The following BET1L variants were observed in gnomAD, a reference collection of about 807,000 sequenced individuals.
The protein encoded by BET1L is BET1-like protein.
Under a neutral mutation model 12.6 loss-of-function variants are expected in BET1L, and 13 were observed. The observed-to-expected ratio is 1.03, with a 90% CI of 0.67 to 1.64. BET1L has a LOEUF of 1.64. Among genes scored for constraint, BET1L ranks in the 40% most tolerant of loss-of-function variants. The probability of loss-of-function intolerance (pLI) is 0.00; values close to 1 mark genes in which losing one functional copy is unlikely to be tolerated. For synonymous variants in BET1L, 60 were observed against 56.9 expected (o/e 1.05, Z -0.25); for missense variants, 154 against 150.7 (o/e 1.02, Z -0.11).
At position 206,040 on chromosome 11, in the gene BET1L, TGAGCTGA is replaced by T; in HGVS notation, c.20-4_22del. The T allele has an allele frequency of 6.2e-7, 1 of 1,613,680 alleles. No individual in the cohort carries two copies. Among genetic ancestry groups the T allele is most frequent in the Non-Finnish European group, 8.5e-7 (1 of 1,179,980 alleles). ...AATCTCTTCCACAGCGCCCGGGCTCTGAGCTGAGAAAAGAGAGGGGCTGAAGGGTTGC... is the reference window on the plus strand; with the variant it reads ...AATCTCTTCCACAGCGCCCGGGCTCTGAAAAGAGAGGGGCTGAAGGGTTGC... On this transcript the variant is annotated splice_acceptor_variant and splice_polypyrimidine_tract_variant and coding_sequence_variant and intron_variant, in exon 2 of 4. Transcript: ENST00000382762. LOFTEE classifies it high-confidence loss of function.
rs772766664 is a variant in BET1L at position 205,334 on chromosome 11, G to T, written c.304C>A (p.Leu102Ile). Residue 102 changes from leucine (L) to isoleucine (I), a missense_variant, in exon 4 of 4, where the codon CTC (leucine) becomes ATC (isoleucine). Leu to Ile is a conservative substitution (Grantham distance 5, BLOSUM62 2). Coordinates refer to ENST00000382762, the MANE Select transcript of BET1L (RefSeq NM_001098787.2). ...CTTGCCCTGGACAAGAAGTAGGAGA[G>T]GATGAAGAAGGCCACAATTAGACCC... Reference protein sequence around the residue: ...AVGLIVAFFILSYFLSRART With the variant: ...AVGLIVAFFIISYFLSRART 6.2e-7 allele frequency: 1 copy of T among 1,613,854 alleles called. No homozygotes were observed. Among genetic ancestry groups the T allele is most frequent in the African/African-American group, 1.3e-5 (1 of 75,066 alleles).
chr11:205,281 C>T lies in BET1L; in HGVS notation c.*21G>A. 3 of 1,603,240 alleles carry T rather than the reference C, an allele frequency of 1.9e-6. No individual in the cohort carries two copies. The highest frequency in any genetic ancestry group is 2.6e-6 in the Non-Finnish European group (3 of 1,172,870). ...AGACCCTGGCTGCCCTTGGCACCCA[C>T]AGACACCAGCTCCCACTGGCTCACG... On this transcript the variant is annotated 3_prime_UTR_variant, in exon 4 of 4. Transcript: ENST00000382762.
chr11:203,103 A>AC lies in BET1L; in HGVS notation c.*2198dup, dbSNP rs1365629812. Reference sequence around the variant, plus strand: ...TGGTGTCAGGGATTACAGTCAGCAAACCCCACTCATTTACAGGGTCAGGTG... The same window carrying AC: ...TGGTGTCAGGGATTACAGTCAGCAAACCCCCACTCATTTACAGGGTCAGGTG... On this transcript the variant is annotated 3_prime_UTR_variant, in exon 4 of 4. Coordinates refer to ENST00000382762, the MANE Select transcript of BET1L (RefSeq NM_001098787.2). 6.6e-6 allele frequency: 1 copy of AC among 152,000 alleles called. No individual in the cohort carries two copies. The highest frequency in any genetic ancestry group is 1.5e-5 in the Non-Finnish European group (1 of 68,026). 9.4% of individuals were successfully genotyped at this position (152,000 alleles called of 1,614,324 possible). A position where few individuals can be genotyped will look rare whatever the true frequency, so the allele number is the denominator to read the frequency against.
chr11:205,628 G>A lies in BET1L; in HGVS notation c.151C>T (p.Arg51Trp), dbSNP rs760787307. ...DIDRDAEDQN[R>W]YLDGMDSDFT... The stretch of plus-strand genomic sequence containing the variant: ...GCCCTTACCATGCCATCCAGGTACC[G>A]GTTCTGATCCTCTGCATCCCTATCG... The change falls in exon 3 of 4, where the codon CGG becomes TGG. Residue 51 changes from arginine (R) to tryptophan (W), a missense_variant. Coordinates refer to ENST00000382762, the MANE Select transcript of BET1L (RefSeq NM_001098787.2). 37 of 1,613,516 alleles carry A rather than the reference G, an allele frequency of 2.3e-5. No individual in the cohort carries two copies. The highest frequency in any genetic ancestry group is 1.6e-4 in the South Asian group (15 of 91,084).
chr11:205,040 C>T lies in BET1L; in HGVS notation c.*262G>A. ...CAGACACGCTGTGGCCCCAGCTCTG[C>T]CTGGCTCTCTAGCACCTGGGGGAGG... On this transcript the variant is annotated 3_prime_UTR_variant, in exon 4 of 4. Coordinates refer to ENST00000382762, the MANE Select transcript of BET1L (RefSeq NM_001098787.2). 2 of 472,076 alleles carry T rather than the reference C, an allele frequency of 4.2e-6. No homozygotes were observed. Among genetic ancestry groups the T allele is most frequent in the Non-Finnish European group, 7.7e-6 (2 of 259,628 alleles). 29.2% of individuals were successfully genotyped at this position (472,076 alleles called of 1,614,324 possible). A position where few individuals can be genotyped will look rare whatever the true frequency, so the allele number is the denominator to read the frequency against.
chr11:205,464 C>T lies in BET1L; in HGVS notation c.174G>A (p.Ser58=), dbSNP rs1855125920. The T allele has an allele frequency of 3.7e-6, 6 of 1,614,198 alleles. No homozygotes were observed. Among genetic ancestry groups the T allele is most frequent in the African/African-American group, 1.3e-5 (1 of 75,052 alleles). ...DQNRYLDGMD[S]DFTSMTSLLT... is the part of the protein sequence containing the mutation. Reference sequence around the variant, plus strand: ...GCAGGCTGGTCATGCTTGTGAAATCCGAGTCCTAAGGGAGGAATCCCAGCA... The same window carrying T: ...GCAGGCTGGTCATGCTTGTGAAATCTGAGTCCTAAGGGAGGAATCCCAGCA... The change falls in exon 4 of 4, where the codon TCG becomes TCA. Residue 58 remains serine, a synonymous_variant. Transcript: ENST00000382762.
chr11:205,627 C>A lies in BET1L; in HGVS notation c.152G>T (p.Arg51Leu). The change falls in exon 3 of 4, where the codon CGG (arginine) becomes CTG (leucine). Residue 51 changes from arginine to leucine, a missense_variant. Coordinates refer to ENST00000382762, the MANE Select transcript of BET1L (RefSeq NM_001098787.2). The stretch of plus-strand genomic sequence containing the variant: ...GGCCCTTACCATGCCATCCAGGTAC[C>A]GGTTCTGATCCTCTGCATCCCTATC... ...DIDRDAEDQN[R>L]YLDGMDSDFT... The A allele has an allele frequency of 6.2e-7, 1 of 1,613,518 alleles. No homozygotes were observed. Among genetic ancestry groups the A allele is most frequent in the South Asian group, 1.1e-5 (1 of 91,080 alleles).
In BET1L at chr11:206,131, G is replaced by C. The variant is rs547254132; in HGVS notation, c.20-88C>G. The C allele has an allele frequency of 6.9e-6, 8 of 1,152,292 alleles. No homozygotes were observed. In the African/African-American group the frequency reaches 1.2e-4, roughly 17 times the overall value. The allele number at this position is 1,152,292 out of a possible 1,614,324, so 71.4% of individuals were successfully genotyped here. A position where few individuals can be genotyped will look rare whatever the true frequency, so the allele number is the denominator to read the frequency against. On this transcript the variant is annotated intron_variant, in intron 1 of 3. Transcript: ENST00000382762. Reference sequence around the variant, plus strand: ...ACTCCAACCACATCTGGGTGAGTCAGAAATCTAGGGGGCCCTAACCAAGGT... The same window carrying C: ...ACTCCAACCACATCTGGGTGAGTCACAAATCTAGGGGGCCCTAACCAAGGT...
rs1320362138 is a variant in BET1L, at chr11:204,442, T to C, written c.*860A>G. 1.3e-5 allele frequency: 2 copies of C among 152,226 alleles called. No homozygotes were observed. Among genetic ancestry groups the C allele is most frequent in the Non-Finnish European group, 2.9e-5 (2 of 68,048 alleles). 9.4% of individuals were successfully genotyped at this position (152,226 alleles called of 1,614,324 possible). A position where few individuals can be genotyped will look rare whatever the true frequency, so the allele number is the denominator to read the frequency against. On this transcript the variant is annotated 3_prime_UTR_variant, in exon 4 of 4. Transcript: ENST00000382762. The stretch of plus-strand genomic sequence containing the variant: ...GCTAGAAGGCAACAACTGATAGCCC[T>C]CACAGGAACCTTCTTGTGTAGACCC...
chr11:207,068 C>A lies in BET1L; in HGVS notation c.19+235G>T, dbSNP rs117120616. 3,180 of 531,718 alleles carry A rather than the reference C, an allele frequency of 6.0e-3. 167 individuals carry two copies. In the East Asian group the frequency reaches 0.1, roughly 17 times the overall value. 32.9% of individuals were successfully genotyped at this position (531,718 alleles called of 1,614,324 possible). ...GGGGAGTGGGGAGACCCCGCTGCTG[C>A]GCGACCCCTCGCTGGAGCTGCTGGG... On this transcript the variant is annotated intron_variant, in intron 1 of 3. Transcript: ENST00000382762.
At chr11:206,937 C>T (rs938063148) in intron 1 of BET1L, 1 of 320,138 alleles carries the variant, frequency 3.1e-6, no homozygotes, top group African/African-American at 2.2e-5. Flanking sequence ...CCTGCTTGGA[C>T]ACCAGCGGAG....
rs1265265720 is a variant in BET1L at position 203,641 on chromosome 11, T to C, written c.*1661A>G. The C allele has an allele frequency of 2.0e-5, 3 of 152,698 alleles. No homozygotes were observed. Among genetic ancestry groups the C allele is most frequent in the African/African-American group, 4.8e-5 (2 of 41,564 alleles). The allele number at this position is 152,698 out of a possible 1,614,324, so 9.5% of individuals were successfully genotyped here. A position where few individuals can be genotyped will look rare whatever the true frequency, so the allele number is the denominator to read the frequency against. On this transcript the variant is annotated 3_prime_UTR_variant, in exon 4 of 4. Transcript: ENST00000382762. ...GTACAAGCCCCTGATGAGCTTGCCA[T>C]GGCAGCCAAGGACACTGGTGCCGGA...
rs767914999 is a variant in BET1L, at chr11:206,013, A to G, written c.50T>C (p.Leu17Pro). 9 of 1,613,964 alleles carry G rather than the reference A, an allele frequency of 5.6e-6. No individual in the cohort carries two copies. The change falls in exon 2 of 4, where the codon CTA becomes CCA. Residue 17 changes from leucine (L) to proline (P), a missense_variant. Coordinates refer to ENST00000382762, the MANE Select transcript of BET1L (RefSeq NM_001098787.2). ...AQSPGAVEEI[L>P]DRENKRMADS... ...AGCCATTCGCTTGTTCTCCCGGTCT[A>G]GAATCTCTTCCACAGCGCCCGGGCT...
chr11:204,501 ACT>A lies in BET1L; in HGVS notation c.*799_*800del, dbSNP rs1211394727. 2.6e-5 allele frequency: 4 copies of A among 152,246 alleles called. No individual in the cohort carries two copies. Among genetic ancestry groups the A allele is most frequent in the Admixed American group, 6.5e-5 (1 of 15,298 alleles). The allele number at this position is 152,246 out of a possible 1,614,324, so 9.4% of individuals were successfully genotyped here. ...TCCCTGGCCCTGCCTGCTTTGCCTGACTCTGAAATGCCAGACAGGCCCATTTC... is the reference window on the plus strand; with the variant it reads ...TCCCTGGCCCTGCCTGCTTTGCCTGACTGAAATGCCAGACAGGCCCATTTC... On this transcript the variant is annotated 3_prime_UTR_variant, in exon 4 of 4. Coordinates refer to ENST00000382762, the MANE Select transcript of BET1L (RefSeq NM_001098787.2).
intron 1 of BET1L, among the ~76,000 whole-genome samples, chr11:206,641 G>A (rs531637019): frequency 3.3e-5 from 5 of 152,240 alleles, no homozygotes; most frequent in African/African-American, 1.2e-4. Context: ...TCTGCATCCC[G>A]CATGGGGCTT....
At chr11:206,165 G>A (rs920733619) in intron 1 of BET1L, 122 bp from the exon 2 acceptor site, 2 of 780,614 alleles carry the variant, frequency 2.6e-6, no homozygotes, top group African/African-American at 1.7e-5. Context: ...GTTCCAGCAG[G>A]TGAATCTTGC....
At chr11:206,852 A>G (rs2133740501) in intron 1 of BET1L, among the ~76,000 whole-genome samples, 1 of 152,336 alleles carries the variant, frequency 6.6e-6, no homozygotes, top group East Asian at 1.9e-4. Context: ...AGAGACAGGC[A>G]TCAATATCCC....
Position 205,155 on chromosome 11 carries a change from A to C in BET1L, c.*147T>G, listed in dbSNP as rs1855118797. ...AGCTCATCAGGTCACAGGCAGCCGC[A>C]GCCTCCTGCCACACAGGAAGAAGAT... is the stretch of plus-strand genomic sequence containing the variant. On this transcript the variant is annotated 3_prime_UTR_variant, in exon 4 of 4. Transcript: ENST00000382762. 28 of 1,128,272 alleles carry C rather than the reference A, an allele frequency of 2.5e-5. No homozygotes were observed. Among genetic ancestry groups the C allele is most frequent in the Non-Finnish European group, 3.4e-5 (28 of 816,018 alleles). The allele number at this position is 1,128,272 out of a possible 1,614,324, so 69.9% of individuals were successfully genotyped here. A position where few individuals can be genotyped will look rare whatever the true frequency, so the allele number is the denominator to read the frequency against.
Position 205,452 on chromosome 11 carries a change from G to C in BET1L, c.186C>G (p.Ser62Arg). 6.2e-7 allele frequency: 1 copy of C among 1,614,220 alleles called. No individual in the cohort carries two copies. The highest frequency in any genetic ancestry group is 8.5e-7 in the Non-Finnish European group (1 of 1,180,044). ...CGCTCCCTGTAAGCAGGCTGGTCATGCTTGTGAAATCCGAGTCCTAAGGGA... is the reference window on the plus strand; with the variant it reads ...CGCTCCCTGTAAGCAGGCTGGTCATCCTTGTGAAATCCGAGTCCTAAGGGA... ...YLDGMDSDFT[S>R]MTSLLTGSVK... The change falls in exon 4 of 4, where the codon AGC (serine) becomes AGG (arginine). Residue 62 changes from serine to arginine, a missense_variant. By Grantham distance (110) the Ser-to-Arg change is moderately radical. Transcript: ENST00000382762.
Sources: gnomAD v4.1 joint callset for allele counts (sites outside exome capture counted in the v4.1 genomes callset) on GRCh38, gnomAD v4.1.1 for gene constraint, MANE v1.5 for transcripts, NCBI Gene and HGNC (gene_info 2026-07-23, HGNC 2026-07-21) for gene names.